PIK3C2A: variants seen among roughly 807,000 people sequenced by gnomAD.
PIK3C2A encodes phosphatidylinositol-4-phosphate 3-kinase catalytic subunit type 2 alpha.
In PIK3C2A, 97 loss-of-function variants were observed where a neutral mutation model predicts 204.5. The ratio of observed to expected loss-of-function variants is 0.47; its 90% confidence interval spans 0.40 to 0.56. The LOEUF is 0.56. Among genes scored for constraint, PIK3C2A ranks in the 20% least tolerant of loss-of-function variants. The pLI, the probability that PIK3C2A is intolerant of heterozygous loss-of-function variation, is 0.00. For synonymous variants in PIK3C2A, 653 were observed against 664.4 expected (o/e 0.98, Z 0.26); for missense variants, 1,735 against 1,969.2 (o/e 0.88, Z 2.25).
At chr11:17,101,874 A>C (rs527713138) in intron 24 of PIK3C2A, among the ~76,000 whole-genome samples, 1 of 151,874 alleles carries the variant, frequency 6.6e-6, no homozygotes, top group Non-Finnish European at 1.5e-5. Context: ...AAGTGCTGGG[A>C]TTACAGGCGT....
At chr11:17,140,307 C>A (rs890130405) in intron 8 of PIK3C2A, among the ~76,000 whole-genome samples, 2 of 152,056 alleles carry the variant, frequency 1.3e-5, no homozygotes, top group Admixed American at 6.6e-5. Flanking sequence ...CTTGATCTCC[C>A]CCTAAAATCC....
At chr11:17,136,731 C>A (rs1849885551) in intron 8 of PIK3C2A, 106 bp from the exon 9 acceptor site, 1 of 574,348 alleles carries the variant, frequency 1.7e-6, no homozygotes, top group Non-Finnish European at 3.0e-6. Context: ...AACAGATATC[C>A]TCTACTCTTT....
intron 4 of PIK3C2A, among the ~76,000 whole-genome samples, chr11:17,149,179 A>T (rs564305412): frequency 2.1e-4 from 32 of 152,290 alleles, no homozygotes; most frequent in Non-Finnish European, 3.8e-4. Flanking sequence ...ACATTGTATT[A>T]GGTATTATAA....
intron 1 of PIK3C2A, among the ~76,000 whole-genome samples, chr11:17,207,079 C>T (rs988092560): frequency 7.9e-5 from 12 of 152,178 alleles, no homozygotes; most frequent in Non-Finnish European, 1.3e-4. Context: ...TTTCCCTCCT[C>T]AATCCCTCCT....
intron 2 of PIK3C2A, among the ~76,000 whole-genome samples, chr11:17,161,043 G>GT (rs1459383055): frequency 1.3e-5 from 2 of 152,170 alleles, no homozygotes; most frequent in Admixed American, 6.5e-5. Context: ...GTTGGCAGAG[G>GT]TGAGTTTGGA....
chr11:17,160,318 G>A (rs1850733513), intron 2 of PIK3C2A, among the ~76,000 whole-genome samples: 1 of 152,060 alleles, frequency 6.6e-6, no homozygotes, highest in African/African-American at 2.4e-5. Context: ...GCTAGACAAA[G>A]AAAAAGGAGT....
chr11:17,145,988 C>T, intron 6 of PIK3C2A, 46 bp from the exon 7 acceptor site: 1 of 1,377,552 alleles, frequency 7.3e-7, no homozygotes, highest in South Asian at 1.2e-5. Flanking sequence ...ACTCTTTGGT[C>T]TTTCTATTGT....
intron 8 of PIK3C2A, among the ~76,000 whole-genome samples, chr11:17,143,390 C>T (rs1181517592): frequency 1.3e-5 from 2 of 152,116 alleles, no homozygotes; most frequent in Non-Finnish European, 1.5e-5. Context: ...CCAATCCCAA[C>T]CTGAAATCTA....
intron 1 of PIK3C2A, among the ~76,000 whole-genome samples, chr11:17,181,661 C>CAG (rs1851568996): frequency 9.3e-6 from 1 of 107,768 alleles, no homozygotes. Context: ...TATATATATA[C>CAG]ACACACACAC....
rs890830055 is a variant in PIK3C2A at position 17,194,769 on chromosome 11, C to T, written c.-66+13079G>A. On this transcript the variant is annotated intron_variant, in intron 1 of 32. Transcript: ENST00000691414. ...TACTAAAAATACAAAATTAGCTGGG[C>T]ATGGTGGCACATGCCTGTTATCCCA... Among the ~76,000 whole-genome samples, 6 of 152,046 alleles carry T rather than the reference C, an allele frequency of 3.9e-5. 1 individual carries two copies. The highest frequency in any genetic ancestry group is 3.9e-4 in the Admixed American group (6 of 15,270).
intron 1 of PIK3C2A, among the ~76,000 whole-genome samples, chr11:17,173,248 CAT>C (rs1036163133): frequency 6.6e-6 from 1 of 152,156 alleles, no homozygotes; most frequent in South Asian, 2.1e-4. Context: ...CTTTATCCCA[CAT>C]AGTTAATTAA....
chr11:17,089,793 T>G lies in PIK3C2A; in HGVS notation c.5006A>C (p.Asn1669Thr). ...CCATTTAACCGTCTCTTTGCTCAAG[T>G]TGAAATCTTTCAAAGGCAGGGTTAC... ...GGVTLPLKDFNLSKETVKWYQ... is the reference protein window; with the variant it reads ...GGVTLPLKDFTLSKETVKWYQ... Residue 1669 changes from asparagine (N) to threonine (T), a missense_variant, in exon 33 of 33, where the codon AAC (asparagine) becomes ACC (threonine). Physicochemically the swap from Asn to Thr is moderately conservative, Grantham distance 65. Coordinates refer to ENST00000691414, the MANE Select transcript of PIK3C2A (RefSeq NM_002645.4). 1.9e-6 allele frequency: 3 copies of G among 1,614,018 alleles called. No individual in the cohort carries two copies. The highest frequency in any genetic ancestry group is 2.5e-6 in the Non-Finnish European group (3 of 1,179,908).
At chr11:17,095,268 A>G (rs1848418757) in intron 27 of PIK3C2A, among the ~76,000 whole-genome samples, 1 of 151,864 alleles carries the variant, frequency 6.6e-6, no homozygotes, top group Non-Finnish European at 1.5e-5. Flanking sequence ...CGTTTCTCAA[A>G]AAGTAGAAAT....
intron 8 of PIK3C2A, chr11:17,137,969 T>TC: frequency 1.9e-6 from 1 of 535,688 alleles, no homozygotes; most frequent in South Asian, 1.8e-5. Flanking sequence ...CAAAAAAGCT[T>TC]CATCTTTTAT....
At chr11:17,163,039 GC>G (rs1245445475) in intron 2 of PIK3C2A, among the ~76,000 whole-genome samples, 3 of 152,088 alleles carry the variant, frequency 2.0e-5, no homozygotes, top group Admixed American at 6.6e-5. Flanking sequence ...AGGCACGGTG[GC>G]CACGCCTATA....
chr11:17,146,993 A>G (rs767902398), intron 6 of PIK3C2A, among the ~76,000 whole-genome samples: 2 of 152,210 alleles, frequency 1.3e-5, no homozygotes, highest in Non-Finnish European at 2.9e-5. Flanking sequence ...AGTAAAACAA[A>G]ATGGCTAAAT....
At chr11:17,165,495 G>A (rs1850912677) in intron 2 of PIK3C2A, among the ~76,000 whole-genome samples, 1 of 151,246 alleles carries the variant, frequency 6.6e-6, no homozygotes, top group Admixed American at 6.6e-5. Flanking sequence ...GGGAGGGCTG[G>A]CAGACCTTGG....
At chr11:17,117,412 T>C (rs1849228476) in intron 19 of PIK3C2A, 79 bp downstream of exon 19, 1 of 922,530 alleles carries the variant, frequency 1.1e-6, no homozygotes, top group Non-Finnish European at 1.7e-6. Flanking sequence ...CAATAAAGAA[T>C]AGCAACTTAA....
chr11:17,207,431 C>G, intron 1 of PIK3C2A, among the ~76,000 whole-genome samples: 1 of 152,148 alleles, frequency 6.6e-6, no homozygotes. Context: ...CACACACACT[C>G]GCCAGAACTA....
Sources: allele counts gnomAD v4.1 joint callset (sites outside exome capture counted in the v4.1 genomes callset), GRCh38; gene constraint gnomAD v4.1.1; transcripts MANE v1.5; gene names NCBI Gene and HGNC (gene_info 2026-07-23, HGNC 2026-07-21).